Variants in ADAM22 observed in about 807,000 individuals in gnomAD.
ADAM22 encodes the protein disintegrin and metalloproteinase domain-containing protein 22.
ADAM22 carries 65 observed loss-of-function variants against 144.6 expected under a neutral mutation model. That is an observed-to-expected ratio of 0.45 (90% CI 0.37 to 0.55). The LOEUF (loss-of-function observed/expected upper bound fraction) is 0.55, where lower values mean the gene tolerates loss of function less well. ADAM22 is among the 20% of genes least tolerant of loss of function. The pLI is 0.00. For synonymous variants in ADAM22, 391 were observed against 412.6 expected, an observed-to-expected ratio of 0.95 and a Z score of 0.63; for missense variants, 974 against 1,184.9, an observed-to-expected ratio of 0.82 and a Z score of 2.61.
intron 14 of ADAM22, among the ~76,000 whole-genome samples, chr7:88,140,954 T>C (rs1470050677): frequency 1.3e-5 from 2 of 152,092 alleles, no homozygotes; most frequent in African/African-American, 4.8e-5. Flanking sequence ...AGGAGGGTTT[T>C]ATGGGGAGGT....
At chr7:88,097,459 T>C (rs549604867) in intron 4 of ADAM22, among the ~76,000 whole-genome samples, 33 of 152,164 alleles carry the variant, frequency 2.2e-4, no homozygotes, top group African/African-American at 7.0e-4. Context: ...CAACAGAATC[T>C]TTTAGCGGCC....
intron 2 of ADAM22, among the ~76,000 whole-genome samples, chr7:87,961,409 T>C (rs1271400097): frequency 1.3e-5 from 2 of 152,348 alleles, no homozygotes; most frequent in Middle Eastern, 3.4e-3. Flanking sequence ...TCTCACAGTA[T>C]TGGATTATCC....
intron 23 of ADAM22, among the ~76,000 whole-genome samples, chr7:88,165,347 T>C (rs1229542035): frequency 1.3e-5 from 2 of 152,100 alleles, no homozygotes; most frequent in Non-Finnish European, 2.9e-5. Context: ...TTGTATAGCC[T>C]TGTGGAACTT....
At chr7:88,076,591 C>T (rs1459664792) in intron 4 of ADAM22, among the ~76,000 whole-genome samples, 1 of 145,628 alleles carries the variant, frequency 6.9e-6, no homozygotes, top group Non-Finnish European at 1.5e-5. Flanking sequence ...GTTAAAAATA[C>T]CTGGAGACAG....
At position 88,143,034 on chromosome 7, in the gene ADAM22, T is replaced by A; in HGVS notation, c.1229T>A (p.Leu410His). The change falls in exon 15 of 32, where the codon CTT (leucine) becomes CAT (histidine). Residue 410 changes from leucine to histidine, a missense_variant. Leu to His is a moderately conservative substitution (Grantham distance 99, BLOSUM62 -3). This residue lies in a region of ADAM22 where 734 missense variants were observed against 950.6 expected (regional missense o/e 0.77). Transcript: ENST00000413139. ...GCIMGDTGYYLPKKFTQCNIE... is the reference protein window; with the variant it reads ...GCIMGDTGYYHPKKFTQCNIE... ...TTTCTTCTCTTTTATAGCTATTATC[T>A]TCCTAAAAAGTTCACCCAGTGTAAT... The A allele has an allele frequency of 6.2e-7, 1 of 1,604,162 alleles. No individual in the cohort carries two copies. The highest frequency in any genetic ancestry group is 8.5e-7 in the Non-Finnish European group (1 of 1,172,410).
In ADAM22 at chr7:88,119,694, G is replaced by T. The variant is rs576474219; in HGVS notation, c.607+2880G>T. On this transcript the variant is annotated intron_variant, in intron 7 of 31. Transcript: ENST00000413139. ...AGTAGAGACAGGGTTTCACCATGTT[G>T]GTCAGGCTGGTCTCAAATTCCTGAC... Among the ~76,000 whole-genome samples the T allele has an allele frequency of 3.3e-4, 51 of 152,256 alleles. 1 individual carries two copies. Among genetic ancestry groups the T allele is most frequent in the African/African-American group, 1.1e-3 (47 of 41,554 alleles).
chr7:87,988,967 T>G (rs552742387), intron 3 of ADAM22, among the ~76,000 whole-genome samples: 16 of 152,192 alleles, frequency 1.1e-4, no homozygotes, highest in Admixed American at 2.0e-4. Flanking sequence ...CCTAAAAAAT[T>G]GGTTTATTGT....
chr7:87,940,270 C>A (rs1006064448), intron 2 of ADAM22, among the ~76,000 whole-genome samples: 1 of 150,252 alleles, frequency 6.7e-6, no homozygotes, highest in Non-Finnish European at 1.5e-5. Context: ...TTGTATGCAT[C>A]AAAACATCAC....
At chr7:88,130,643 C>A (rs910986662) in intron 10 of ADAM22, among the ~76,000 whole-genome samples, 184 bp downstream of exon 10, 10 of 152,114 alleles carry the variant, frequency 6.6e-5, no homozygotes, top group Admixed American at 6.6e-4. Flanking sequence ...GGAAGAGGAA[C>A]TGGTCGAAGT....
chr7:87,950,277 A>T lies in ADAM22; in HGVS notation c.246+15091A>T, dbSNP rs186625237. On this transcript the variant is annotated intron_variant, in intron 2 of 31. Coordinates refer to ENST00000413139, the MANE Select transcript of ADAM22 (RefSeq NM_001324418.2). Reference sequence around the variant, plus strand: ...AGCATTAGGTATATCTCCTAATGCTATCCCTCCCCCCTCCCCCCACCCCAC... The same window carrying T: ...AGCATTAGGTATATCTCCTAATGCTTTCCCTCCCCCCTCCCCCCACCCCAC... Among the ~76,000 whole-genome samples the T allele has an allele frequency of 3.4e-3, 453 of 131,956 alleles. 3 individuals carry two copies. Among genetic ancestry groups the T allele is most frequent in the African/African-American group, 0.012 (432 of 35,582 alleles). 86.6% of individuals were successfully genotyped at this position (131,956 alleles called of 152,430 possible). A position where few individuals can be genotyped will look rare whatever the true frequency, so the allele number is the denominator to read the frequency against.
intron 13 of ADAM22, among the ~76,000 whole-genome samples, chr7:88,135,150 C>G (rs1333445022): frequency 6.6e-6 from 1 of 151,290 alleles, no homozygotes; most frequent in Non-Finnish European, 1.5e-5. Flanking sequence ...TGGTGGCAGG[C>G]TCTTATAGTA....
intron 2 of ADAM22, among the ~76,000 whole-genome samples, chr7:87,940,313 T>A (rs115665265): frequency 6.6e-6 from 1 of 152,066 alleles, no homozygotes; most frequent in Admixed American, 6.5e-5. Context: ...AGTTATTATA[T>A]GTCAATTTTT....
intron 3 of ADAM22, among the ~76,000 whole-genome samples, chr7:88,052,770 C>T (rs1337947145): frequency 2.0e-5 from 3 of 152,122 alleles, no homozygotes; most frequent in East Asian, 1.9e-4. Context: ...TGTCCTTCCC[C>T]GGTCAGCTAT....
At position 88,131,308 on chromosome 7, in the gene ADAM22, GC is replaced by G; in HGVS notation, c.866del (p.Ala289ValfsTer18). On this transcript the variant is annotated frameshift_variant, in exon 11 of 32. Transcript: ENST00000413139. LOFTEE classifies it high-confidence loss of function. Reference protein sequence around the residue: ...DQLKTRIVLVAMETWATDNKF... With the variant: ...DQLKTRIVLVXMETWATDNKF... ...ACTTAAGACCAGGATAGTATTGGTT[GC>G]TATGGAAACCTGGGCGACTGACAAC... 6.2e-7 allele frequency: 1 copy of G among 1,613,644 alleles called. No individual in the cohort carries two copies. Among genetic ancestry groups the G allele is most frequent in the Non-Finnish European group, 8.5e-7 (1 of 1,179,796 alleles).
At chr7:88,021,634 A>G (rs1161680783) in intron 3 of ADAM22, among the ~76,000 whole-genome samples, 2 of 152,290 alleles carry the variant, frequency 1.3e-5, no homozygotes, top group South Asian at 2.1e-4. Context: ...TTTTTCTTCA[A>G]TGGACTTTTC....
chr7:87,958,080 A>G (rs779476177), intron 2 of ADAM22, among the ~76,000 whole-genome samples: 12 of 152,236 alleles, frequency 7.9e-5, no homozygotes, highest in Admixed American at 2.0e-4. Context: ...CATTTTATAA[A>G]CATCATTTAT....
At chr7:87,939,984 A>G (rs1188923077) in intron 2 of ADAM22, among the ~76,000 whole-genome samples, 1 of 152,026 alleles carries the variant, frequency 6.6e-6, no homozygotes, top group African/African-American at 2.4e-5. Flanking sequence ...ATTTGAGGTC[A>G]GGATTCGAGA....
rs550782323 is a variant in ADAM22, at chr7:87,971,069, T to C, written c.247-7267T>C. On this transcript the variant is annotated intron_variant, in intron 2 of 31. Coordinates refer to ENST00000413139, the MANE Select transcript of ADAM22 (RefSeq NM_001324418.2). ...TTCTTTTCCTTAAGTGACAGACATA[T>C]ATATATATGTTTAACTATAACTCTG... Among the ~76,000 whole-genome samples, 14 of 152,254 alleles carry C rather than the reference T, an allele frequency of 9.2e-5. No individual in the cohort carries two copies. The South Asian group carries it at 2.7e-3, about 29-fold the overall frequency.
At chr7:88,087,685 T>G (rs1408394124) in intron 4 of ADAM22, among the ~76,000 whole-genome samples, 2 of 152,172 alleles carry the variant, frequency 1.3e-5, no homozygotes, top group African/African-American at 2.4e-5. Context: ...ATAATATTTC[T>G]TGGTGAAATT....
Sources: gnomAD v4.1 joint callset for allele counts (sites outside exome capture counted in the v4.1 genomes callset) on GRCh38, gnomAD v4.1.1 for gene constraint, gnomAD v4.1.1 regional missense constraint, MANE v1.5 for transcripts, NCBI Gene and HGNC (gene_info 2026-07-23, HGNC 2026-07-21) for gene names.